DOCK10: variants seen among roughly 807,000 people sequenced by gnomAD.
The protein encoded by DOCK10 is dedicator of cytokinesis protein 10.
In DOCK10, 145 loss-of-function variants were observed where a neutral mutation model predicts 280.1. The observed-to-expected ratio is 0.52, with a 90% CI of 0.45 to 0.59. The LOEUF is 0.59. Ranked by LOEUF, DOCK10 falls within the 20% of genes least tolerant of loss-of-function variation. DOCK10 has a pLI of 0.00. For missense variants in DOCK10, 2,368 were observed against 2,651.7 expected, an observed-to-expected ratio of 0.89 and a Z score of 2.35; for synonymous variants, 915 against 942.2, an observed-to-expected ratio of 0.97 and a Z score of 0.53.
At chr2:224,798,276 G>T (rs925558426) in intron 41 of DOCK10, among the ~76,000 whole-genome samples, 11 of 152,180 alleles carry the variant, frequency 7.2e-5, no homozygotes, top group African/African-American at 2.7e-4. Context: ...GCTCAAAGGG[G>T]CCTGCCCTGG....
chr2:224,925,109 C>A (rs1050012242), intron 2 of DOCK10, among the ~76,000 whole-genome samples: 1 of 152,006 alleles, frequency 6.6e-6, no homozygotes, highest in Non-Finnish European at 1.5e-5. Flanking sequence ...CGTTTAAAAG[C>A]CTGCTTTTCA....
chr2:224,952,496 A>G (rs1703794545), intron 1 of DOCK10, among the ~76,000 whole-genome samples: 1 of 152,248 alleles, frequency 6.6e-6, no homozygotes, highest in Non-Finnish European at 1.5e-5. Flanking sequence ...GAGCTCAACA[A>G]AGTTGGAAGA....
At chr2:224,978,119 G>T (rs1276943500) in intron 1 of DOCK10, among the ~76,000 whole-genome samples, 1 of 152,136 alleles carries the variant, frequency 6.6e-6, no homozygotes, top group East Asian at 1.9e-4. Context: ...AAGGCTTTGG[G>T]CTGGGTACTA....
At position 224,796,334 on chromosome 2, in the gene DOCK10, A is replaced by G; in HGVS notation, c.4920T>C (p.Asn1640=). 2 of 1,563,458 alleles carry G rather than the reference A, an allele frequency of 1.3e-6. No individual in the cohort carries two copies. Among genetic ancestry groups the G allele is most frequent in the Non-Finnish European group, 8.7e-7 (1 of 1,152,338 alleles). Residue 1640 remains asparagine, a synonymous_variant, in exon 44 of 56, where the codon AAT becomes AAC. Coordinates refer to ENST00000258390, the MANE Select transcript of DOCK10 (RefSeq NM_014689.3). The part of the protein sequence containing the change: ...HSLAITNNFA[N]GDKQMKNSNF... ...TTCTTACTTTCATTTGCTTATCTCC[A>G]TTGGCGAAATTATTGGTAATTGCAA... is the stretch of plus-strand genomic sequence containing the variant.
intron 7 of DOCK10, among the ~76,000 whole-genome samples, chr2:224,878,686 CAT>C (rs758026417): frequency 3.9e-5 from 6 of 152,248 alleles, no homozygotes; most frequent in Non-Finnish European, 7.3e-5. Context: ...CTATGGTTCT[CAT>C]GTGGAAATTC....
At position 225,029,934 on chromosome 2, in the gene DOCK10, G is replaced by A. The variant is rs907768206; in HGVS notation, c.123+12318C>T. ...TGAGGCGGGTGGATCACTTGAGGTC[G>A]GGAGTTTGAGACCAGCCTGGTCAAC... On this transcript the variant is annotated intron_variant, in intron 1 of 55. Coordinates refer to ENST00000258390, the MANE Select transcript of DOCK10 (RefSeq NM_014689.3). 1.3e-4 allele frequency among the ~76,000 whole-genome samples: 19 copies of A among 151,394 alleles called. 1 individual carries two copies. Among genetic ancestry groups the A allele is most frequent in the Admixed American group, 4.6e-4 (7 of 15,210 alleles).
chr2:225,002,073 C>T (rs910796843), intron 1 of DOCK10, among the ~76,000 whole-genome samples: 4 of 152,276 alleles, frequency 2.6e-5, no homozygotes, highest in South Asian at 2.1e-4. Context: ...TTCTCAGAGT[C>T]TAAGCTATTT....
intron 55 of DOCK10, among the ~76,000 whole-genome samples, chr2:224,766,804 T>G (rs1437870262): frequency 6.6e-6 from 1 of 152,238 alleles, no homozygotes; most frequent in Non-Finnish European, 1.5e-5. Flanking sequence ...GCTTTTATGT[T>G]TTTTGCTATT....
At chr2:224,909,696 CA>C (rs1283650154) in intron 3 of DOCK10, among the ~76,000 whole-genome samples, 1 of 151,608 alleles carries the variant, frequency 6.6e-6, no homozygotes, top group Non-Finnish European at 1.5e-5. Context: ...TTCTAGGCTG[CA>C]AAATGAGGTA....
intron 1 of DOCK10, among the ~76,000 whole-genome samples, chr2:224,968,667 A>C (rs149913121): frequency 1.9e-3 from 293 of 152,362 alleles, no homozygotes; most frequent in African/African-American, 6.8e-3. Context: ...TGACAGATTC[A>C]GTCCTAACTG....
rs555737439 is a variant in DOCK10, at chr2:224,896,307, C to T, written c.404G>A (p.Arg135Gln). 822 of 1,597,762 alleles carry T rather than the reference C, an allele frequency of 5.1e-4. 8 individuals carry two copies. In the South Asian group the frequency reaches 8.5e-3, roughly 17 times the overall value. ...AACAGGTTCTTACCGGGGTAGCTGT[C>T]GAATGTCTCCAGAATATTGTTCATA... ...YKYEQYSGDI[R>Q]QLPRAEYKPE... is the part of the protein sequence containing the mutation. The change falls in exon 4 of 56, where the codon CGA becomes CAA. Residue 135 changes from arginine (R) to glutamine (Q), a missense_variant. Transcript: ENST00000258390.
At chr2:225,000,369 A>G (rs1230216744) in intron 1 of DOCK10, among the ~76,000 whole-genome samples, 1 of 152,240 alleles carries the variant, frequency 6.6e-6, no homozygotes, top group Non-Finnish European at 1.5e-5. Context: ...CCTAGTATCT[A>G]TAAACACATA....
In DOCK10 at chr2:224,959,171, T is replaced by C; in HGVS notation, c.124-27503A>G. On this transcript the variant is annotated intron_variant, in intron 1 of 55. Coordinates refer to ENST00000258390, the MANE Select transcript of DOCK10 (RefSeq NM_014689.3). ...AGACTGCCATGATAAGCCATTTCTT[T>C]TTTTCTTTTAGGCAGAGTGCATCTC... 1.3e-5 allele frequency among the ~76,000 whole-genome samples: 2 copies of C among 152,202 alleles called. 1 individual carries two copies. The highest frequency in any genetic ancestry group is 3.9e-4 in the East Asian group (2 of 5,190).
rs756394297 is a variant in DOCK10, at chr2:224,834,108, T to C, written c.2964+42A>G. 3.4e-6 allele frequency: 4 copies of C among 1,174,402 alleles called. No homozygotes were observed. The African/African-American group carries it at 6.1e-5, about 18-fold the overall frequency. The allele number at this position is 1,174,402 out of a possible 1,614,324, so 72.7% of individuals were successfully genotyped here. A position where few individuals can be genotyped will look rare whatever the true frequency, so the allele number is the denominator to read the frequency against. On this transcript the variant is annotated intron_variant, in intron 26 of 55. Coordinates refer to ENST00000258390, the MANE Select transcript of DOCK10 (RefSeq NM_014689.3). ...ATTTTCCAGGAGTAAGCGTGACCCA[T>C]GCCTAGTACTCACAGTTAAAGGACC...
chr2:224,952,285 A>G (rs1259611064), intron 1 of DOCK10, among the ~76,000 whole-genome samples: 1 of 152,230 alleles, frequency 6.6e-6, no homozygotes, highest in Non-Finnish European at 1.5e-5. Flanking sequence ...TCAAGGATGT[A>G]CTGAGAAGAA....
intron 2 of DOCK10, among the ~76,000 whole-genome samples, chr2:224,927,600 T>A (rs10498170): frequency 0.33 from 50,192 of 151,986 alleles, 8,399 homozygotes; most frequent in Middle Eastern, 0.36. Flanking sequence ...ATCTTTCTCG[T>A]GTACCAGATA....
intron 1 of DOCK10, among the ~76,000 whole-genome samples, chr2:225,012,833 C>T (rs1455201825): frequency 6.6e-6 from 1 of 152,012 alleles, no homozygotes; most frequent in East Asian, 1.9e-4. Context: ...AAATTAAAGC[C>T]CAGGAAGGTC....
intron 1 of DOCK10, among the ~76,000 whole-genome samples, chr2:225,037,694 T>A (rs1218125296): frequency 1.3e-5 from 2 of 152,234 alleles, no homozygotes; most frequent in African/African-American, 4.8e-5. Context: ...GCCAGGCACA[T>A]CGTACATTCT....
intron 18 of DOCK10, among the ~76,000 whole-genome samples, chr2:224,852,013 T>C (rs1013808750): frequency 9.7e-6 from 1 of 102,834 alleles, no homozygotes; most frequent in Non-Finnish European, 1.8e-5. Context: ...TATGCGGCAG[T>C]TCTGCGTAGA....
Sources: allele counts gnomAD v4.1 joint callset (sites outside exome capture counted in the v4.1 genomes callset), GRCh38; gene constraint gnomAD v4.1.1; transcripts MANE v1.5; gene names NCBI Gene and HGNC (gene_info 2026-07-23, HGNC 2026-07-21).